BICC1: variants seen among roughly 807,000 people sequenced by gnomAD.
BICC1 encodes the protein protein bicaudal C homolog 1.
Under a neutral mutation model 111.0 loss-of-function variants are expected in BICC1, and 43 were observed. The observed-to-expected ratio is 0.39, with a 90% confidence interval of 0.30 to 0.50. BICC1 has a LOEUF of 0.50. BICC1 is among the 20% of genes least tolerant of loss of function. BICC1 has a pLI of 0.88. For missense variants in BICC1, 1,091 were observed against 1,203.2 expected, an observed-to-expected ratio of 0.91 and a Z score of 1.38; for synonymous variants, 467 against 434.4, an observed-to-expected ratio of 1.07 and a Z score of -0.93.
At chr10:58,625,470 G>T (rs1489494700) in intron 2 of BICC1, among the ~76,000 whole-genome samples, 2 of 151,676 alleles carry the variant, frequency 1.3e-5, no homozygotes, top group Non-Finnish European at 2.9e-5. Flanking sequence ...GTTTTTTTTT[G>T]TTGCATTGGG....
intron 3 of BICC1, among the ~76,000 whole-genome samples, chr10:58,781,073 G>T (rs1235332349): frequency 6.6e-6 from 1 of 152,144 alleles, no homozygotes; most frequent in Non-Finnish European, 1.5e-5. Flanking sequence ...AGAGAAGGTT[G>T]GATTACCATC....
At chr10:58,754,760 ATGTGTGTG>A (rs149325160) in intron 3 of BICC1, among the ~76,000 whole-genome samples, 4 of 148,750 alleles carry the variant, frequency 2.7e-5, no homozygotes, top group South Asian at 2.1e-4. Flanking sequence ...GGGGGTGTGT[ATGTGTGTG>A]TGTGTGTGTG....
chr10:58,791,308 T>C (rs1301289967), intron 8 of BICC1, among the ~76,000 whole-genome samples: 1 of 152,220 alleles, frequency 6.6e-6, no homozygotes, highest in Non-Finnish European at 1.5e-5. Flanking sequence ...TTAATGCACA[T>C]TTATACTTTG....
At chr10:58,610,689 G>C (rs929724065) in intron 1 of BICC1, among the ~76,000 whole-genome samples, 1 of 151,062 alleles carries the variant, frequency 6.6e-6, no homozygotes, top group African/African-American at 2.4e-5. Flanking sequence ...TGTTTCATTT[G>C]ATGTGACCTT....
intron 1 of BICC1, among the ~76,000 whole-genome samples, chr10:58,592,887 A>T (rs904922511): frequency 3.1e-4 from 47 of 150,234 alleles, no homozygotes; most frequent in Non-Finnish European, 5.8e-4. Flanking sequence ...AAAAAAAAAA[A>T]AAAAAAAAAA....
chr10:58,703,903 T>C (rs909124736), intron 3 of BICC1, among the ~76,000 whole-genome samples: 1 of 151,902 alleles, frequency 6.6e-6, no homozygotes, highest in South Asian at 2.1e-4. Flanking sequence ...AGATAACTTT[T>C]TATGTCTTAT....
chr10:58,649,224 A>G (rs1838364920), intron 2 of BICC1, among the ~76,000 whole-genome samples: 1 of 152,222 alleles, frequency 6.6e-6, no homozygotes, highest in African/African-American at 2.4e-5. Flanking sequence ...GGAGGAGGCC[A>G]GAGTTTCTTT....
At chr10:58,817,458 G>A (rs1481600508) in intron 18 of BICC1, 104 bp from the exon 19 acceptor site, 2 of 1,285,212 alleles carry the variant, frequency 1.6e-6, no homozygotes, top group Non-Finnish European at 2.2e-6. Flanking sequence ...GCCCTATTCA[G>A]CTGAACAATG....
At chr10:58,673,874 G>T (rs373296768) in intron 2 of BICC1, among the ~76,000 whole-genome samples, 1 of 150,366 alleles carries the variant, frequency 6.7e-6, no homozygotes, top group African/African-American at 2.4e-5. Context: ...CAGGTGATCC[G>T]TCTGCCTTGG....
intron 2 of BICC1, among the ~76,000 whole-genome samples, chr10:58,633,302 T>C (rs1442923406): frequency 6.6e-6 from 1 of 152,224 alleles, no homozygotes; most frequent in African/African-American, 2.4e-5. Flanking sequence ...GTCTTGGGTA[T>C]GTGTTTATTA....
At chr10:58,745,298 A>T (rs574405372) in intron 3 of BICC1, among the ~76,000 whole-genome samples, 1 of 152,106 alleles carries the variant, frequency 6.6e-6, no homozygotes, top group African/African-American at 2.4e-5. Context: ...GTGACATTGG[A>T]CAAGTTAATA....
At chr10:58,823,932 G>A (rs1379860596) in intron 20 of BICC1, 1 of 985,194 alleles carries the variant, frequency 1.0e-6, no homozygotes, top group Non-Finnish European at 1.2e-6. Context: ...TTTAATAACT[G>A]TGTTTCTGGA....
chr10:58,515,859 T>C (rs1842229558), intron 1 of BICC1, among the ~76,000 whole-genome samples: 1 of 152,216 alleles, frequency 6.6e-6, no homozygotes, highest in Non-Finnish European at 1.5e-5. Context: ...ATATCTGTTG[T>C]TATTATTAAT....
intron 2 of BICC1, among the ~76,000 whole-genome samples, chr10:58,690,438 G>C (rs1250172170): frequency 4.6e-5 from 7 of 152,238 alleles, no homozygotes; most frequent in African/African-American, 1.7e-4. Flanking sequence ...TTGAGTCGCT[G>C]AGTGACTGTG....
At chr10:58,791,138 C>T (rs1199259174) in intron 8 of BICC1, among the ~76,000 whole-genome samples, 3 of 151,814 alleles carry the variant, frequency 2.0e-5, no homozygotes, top group East Asian at 3.9e-4. Flanking sequence ...TTTTTTTAGC[C>T]GAGCTTATTT....
In BICC1 at chr10:58,784,986, A is replaced by C. The variant is rs1158962635; in HGVS notation, c.308-15A>C. The C allele has an allele frequency of 6.8e-7, 1 of 1,474,188 alleles. No homozygotes were observed. The highest frequency in any genetic ancestry group is 9.3e-7 in the Non-Finnish European group (1 of 1,074,018). The allele number at this position is 1,474,188 out of a possible 1,614,324, so 91.3% of individuals were successfully genotyped here. On this transcript the variant is annotated splice_polypyrimidine_tract_variant and intron_variant, in intron 3 of 20. Transcript: ENST00000373886. ...TTTGGGAGTTTCACACAAGCCTTTTATTTCTTTCTTATAGATCCCCATATT... is the reference window on the plus strand; with the variant it reads ...TTTGGGAGTTTCACACAAGCCTTTTCTTTCTTTCTTATAGATCCCCATATT...
chr10:58,608,998 T>C (rs1188702278), intron 1 of BICC1, among the ~76,000 whole-genome samples: 1 of 152,208 alleles, frequency 6.6e-6, no homozygotes, highest in Non-Finnish European at 1.5e-5. Flanking sequence ...TTTCTGCATA[T>C]AACCTGAACT....
chr10:58,773,802 C>T (rs558214030), intron 3 of BICC1, among the ~76,000 whole-genome samples: 141 of 152,306 alleles, frequency 9.3e-4, no homozygotes, highest in African/African-American at 3.3e-3. Flanking sequence ...CTATTTGTTA[C>T]GAGGGTACTG....
chr10:58,806,768 A>G (rs1380046081), intron 16 of BICC1, 145 bp downstream of exon 16: 7 of 826,164 alleles, frequency 8.5e-6, no homozygotes, highest in Non-Finnish European at 1.3e-5. Flanking sequence ...CATTCTGTTG[A>G]ATATATTTTG....
Sources: allele counts gnomAD v4.1 joint callset (sites outside exome capture counted in the v4.1 genomes callset), GRCh38; gene constraint gnomAD v4.1.1; transcripts MANE v1.5; gene names NCBI Gene and HGNC (gene_info 2026-07-23, HGNC 2026-07-21).